The following CDH18 variants were observed in gnomAD, a reference collection of about 807,000 sequenced individuals.
CDH18 encodes the protein cadherin-18.
CDH18 carries 31 observed loss-of-function variants against 67.9 expected under a neutral mutation model. That is an observed-to-expected ratio of 0.46 (90% confidence interval 0.34 to 0.62). The LOEUF (loss-of-function observed/expected upper bound fraction) is 0.62, where lower values mean the gene tolerates loss of function less well. Among genes scored for constraint, CDH18 ranks in the 20% least tolerant of loss-of-function variants. The probability of loss-of-function intolerance (pLI) is 0.01; values close to 1 mark genes in which losing one functional copy is unlikely to be tolerated. For synonymous variants in CDH18, 362 were observed against 347.2 expected (o/e 1.04, Z -0.48); for missense variants, 890 against 975.5 (o/e 0.91, Z 1.17).
chr5:20,092,216 T>C (rs1745498558), intron 2 of CDH18, among the ~76,000 whole-genome samples: 1 of 152,172 alleles, frequency 6.6e-6, no homozygotes, highest in Non-Finnish European at 1.5e-5. Flanking sequence ...GATTGTAGAC[T>C]GTGATTCTGT....
chr5:19,539,876 C>T (rs1487024563), intron 9 of CDH18, among the ~76,000 whole-genome samples: 1 of 152,098 alleles, frequency 6.6e-6, no homozygotes, highest in East Asian at 1.9e-4. Flanking sequence ...TGTGTGGGGA[C>T]ACACAGCCAA....
chr5:19,529,691 A>C (rs1748290581), intron 9 of CDH18, among the ~76,000 whole-genome samples: 1 of 152,124 alleles, frequency 6.6e-6, no homozygotes, highest in South Asian at 2.1e-4. Context: ...GTAAAGGAAG[A>C]TTTTAACATC....
At chr5:19,701,902 C>T (rs184985437) in intron 5 of CDH18, among the ~76,000 whole-genome samples, 3 of 152,240 alleles carry the variant, frequency 2.0e-5, no homozygotes, top group African/African-American at 7.2e-5. Context: ...AATTTCTATA[C>T]ATCTACGGAA....
At chr5:19,641,053 G>A (rs980122009) in intron 5 of CDH18, among the ~76,000 whole-genome samples, 10 of 150,974 alleles carry the variant, frequency 6.6e-5, no homozygotes, top group African/African-American at 2.4e-4. Flanking sequence ...TATGGTTATT[G>A]TGCACAATTA....
intron 2 of CDH18, among the ~76,000 whole-genome samples, chr5:19,947,585 CAAAAAAAAAAAAAAAA>C (rs35601486): frequency 1.1e-4 from 6 of 53,308 alleles, no homozygotes; most frequent in Admixed American, 3.3e-4. Flanking sequence ...TACTAAAATA[CAAAAAAAAAAAAAAAA>C]AAAAAAAAAA....
chr5:19,612,377 T>C, intron 6 of CDH18, 57 bp downstream of exon 6: 1 of 1,547,424 alleles, frequency 6.5e-7, no homozygotes, highest in Middle Eastern at 1.7e-4. Context: ...AAGTATTTCA[T>C]TTTACTTTAC....
At chr5:20,211,457 G>C (rs988242998) in intron 2 of CDH18, among the ~76,000 whole-genome samples, 1 of 152,156 alleles carries the variant, frequency 6.6e-6, no homozygotes, top group African/African-American at 2.4e-5. Context: ...GTGGGTCCCT[G>C]ACCCCCCGAG....
chr5:19,956,691 C>T (rs1796286864), intron 2 of CDH18, among the ~76,000 whole-genome samples: 1 of 151,718 alleles, frequency 6.6e-6, no homozygotes, highest in Admixed American at 6.6e-5. Flanking sequence ...TTATTGCCTT[C>T]CAATTAGTAT....
At chr5:20,512,127 G>A (rs1755074163) in intron 1 of CDH18, among the ~76,000 whole-genome samples, 1 of 152,086 alleles carries the variant, frequency 6.6e-6, no homozygotes, top group South Asian at 2.1e-4. Context: ...GGAGGCTGAG[G>A]CAGGAGAATC....
At chr5:19,694,803 G>A (rs1561068253) in intron 5 of CDH18, among the ~76,000 whole-genome samples, 1 of 151,134 alleles carries the variant, frequency 6.6e-6, no homozygotes, top group Non-Finnish European at 1.5e-5. Flanking sequence ...AAGGACAACT[G>A]TGCATGGTGG....
intron 2 of CDH18, among the ~76,000 whole-genome samples, chr5:20,233,929 A>C (rs1742276424): frequency 6.6e-6 from 1 of 152,160 alleles, no homozygotes; most frequent in African/African-American, 2.4e-5. Context: ...CATGGAAAAT[A>C]GTGGAAGTGA....
chr5:19,767,791 C>T (rs991303459), intron 3 of CDH18, among the ~76,000 whole-genome samples: 1 of 151,850 alleles, frequency 6.6e-6, no homozygotes, highest in Non-Finnish European at 1.5e-5. Flanking sequence ...GAAAATACTG[C>T]CAAAAATTGT....
At chr5:20,351,684 A>AATC (rs2150058097) in intron 1 of CDH18, among the ~76,000 whole-genome samples, 1 of 152,180 alleles carries the variant, frequency 6.6e-6, no homozygotes, top group South Asian at 2.1e-4. Flanking sequence ...TCATGATATG[A>AATC]ATGTCCATTG....
At chr5:20,137,559 T>G (rs1312058176) in intron 2 of CDH18, among the ~76,000 whole-genome samples, 2 of 152,058 alleles carry the variant, frequency 1.3e-5, no homozygotes, top group Non-Finnish European at 2.9e-5. Flanking sequence ...AGTTTGTTAT[T>G]ACTGATCTTC....
intron 2 of CDH18, among the ~76,000 whole-genome samples, chr5:20,196,400 G>A (rs1377759835): frequency 6.6e-6 from 1 of 152,148 alleles, no homozygotes; most frequent in Non-Finnish European, 1.5e-5. Flanking sequence ...TATTGTTCAA[G>A]AGCACACGGC....
chr5:19,839,786 A>T (rs61676705), intron 2 of CDH18, among the ~76,000 whole-genome samples: 138 of 152,260 alleles, frequency 9.1e-4, no homozygotes, highest in African/African-American at 3.2e-3. Flanking sequence ...TAGGTCCTGC[A>T]TATCTACCCC....
At chr5:20,269,668 T>C (rs1467099081) in intron 1 of CDH18, among the ~76,000 whole-genome samples, 7 of 152,064 alleles carry the variant, frequency 4.6e-5, no homozygotes, top group Admixed American at 4.6e-4. Flanking sequence ...GTGTAAACAG[T>C]GTATTCATAT....
intron 11 of CDH18, among the ~76,000 whole-genome samples, chr5:19,501,461 C>G (rs1743231841): frequency 7.2e-6 from 1 of 139,126 alleles, no homozygotes; most frequent in Non-Finnish European, 1.6e-5. Context: ...AACAAACAAG[C>G]AAACAAAAAA....
At chr5:20,244,447 T>TGACC (rs1350519041) in intron 2 of CDH18, among the ~76,000 whole-genome samples, 1 of 152,132 alleles carries the variant, frequency 6.6e-6, no homozygotes, top group African/African-American at 2.4e-5. Flanking sequence ...CCAGCTCATA[T>TGACC]GACCATATGC....
Sources: gnomAD v4.1 joint callset for allele counts (sites outside exome capture counted in the v4.1 genomes callset) on GRCh38, gnomAD v4.1.1 for gene constraint, MANE v1.5 for transcripts, NCBI Gene and HGNC (gene_info 2026-07-23, HGNC 2026-07-21) for gene names.